DIP2B: variants seen among roughly 807,000 people sequenced by gnomAD.
The protein encoded by DIP2B is DIP2 acetate--CoA ligase B (putative).
Under a neutral mutation model 198.0 loss-of-function variants are expected in DIP2B, and 76 were observed. The observed-to-expected ratio is 0.38, with a 90% confidence interval of 0.32 to 0.46. DIP2B has a LOEUF of 0.46. Among genes scored for constraint, DIP2B ranks in the 20% least tolerant of loss-of-function variants. The probability of loss-of-function intolerance (pLI) is 0.99; values close to 1 mark genes in which losing one functional copy is unlikely to be tolerated. For synonymous variants in DIP2B, 701 were observed against 739.1 expected, an observed-to-expected ratio of 0.95 and a Z score of 0.84; for missense variants, 1,559 against 1,978.4, an observed-to-expected ratio of 0.79 and a Z score of 4.02.
At chr12:50,734,960 G>A (rs915353553) in intron 33 of DIP2B, 113 bp from the exon 34 acceptor site, 33 of 1,311,304 alleles carry the variant, frequency 2.5e-5, no homozygotes, top group Non-Finnish European at 3.6e-5. Flanking sequence ...CCCCTCTGTA[G>A]TATGAGGAAG....
At chr12:50,617,216 C>T (rs992303656) in intron 1 of DIP2B, among the ~76,000 whole-genome samples, 3 of 150,140 alleles carry the variant, frequency 2.0e-5, no homozygotes, top group African/African-American at 7.4e-5. Context: ...AGTGCAGTGG[C>T]GCGATCTCGG....
At chr12:50,530,163 G>A (rs1307650405) in intron 1 of DIP2B, among the ~76,000 whole-genome samples, 2 of 151,964 alleles carry the variant, frequency 1.3e-5, no homozygotes, top group African/African-American at 2.4e-5. Context: ...TGCAAGCTCC[G>A]CCTCCTGGGT....
chr12:50,578,883 G>C (rs1263597753), intron 1 of DIP2B, among the ~76,000 whole-genome samples: 1 of 152,064 alleles, frequency 6.6e-6, no homozygotes, highest in Admixed American at 6.6e-5. Flanking sequence ...TTTATTTATT[G>C]TTCTTTATCC....
chr12:50,552,856 TTTTA>T (rs1354596956), intron 1 of DIP2B, among the ~76,000 whole-genome samples: 4 of 152,206 alleles, frequency 2.6e-5, no homozygotes, highest in Admixed American at 2.0e-4. Context: ...TTTTGAGTTA[TTTTA>T]TTTATTTATT....
At chr12:50,581,315 C>T (rs1349417930) in intron 1 of DIP2B, among the ~76,000 whole-genome samples, 4 of 149,262 alleles carry the variant, frequency 2.7e-5, no homozygotes, top group Non-Finnish European at 4.4e-5. Context: ...CTTTTAAGAC[C>T]GCTACTGCAT....
At chr12:50,676,268 C>T (rs1336553665) in intron 7 of DIP2B, among the ~76,000 whole-genome samples, 1 of 152,118 alleles carries the variant, frequency 6.6e-6, no homozygotes, top group African/African-American at 2.4e-5. Flanking sequence ...AAGAGCTAAG[C>T]GTTGGTAGCT....
rs779311402 is a variant in DIP2B, at chr12:50,697,095, G to T, written c.1968G>T (p.Leu656=). 1 of 1,614,100 alleles carries T rather than the reference G, an allele frequency of 6.2e-7. No individual in the cohort carries two copies. Among genetic ancestry groups the T allele is most frequent in the Non-Finnish European group, 8.5e-7 (1 of 1,179,984 alleles). Residue 656 remains leucine (L), a synonymous_variant, in exon 17 of 38, where the codon CTG becomes CTT. Transcript: ENST00000301180. ...CATCCTGTGATGCCTTCCTGAGTCTGTTCCAAAGTCATGGACTGAAGCCTG... is the reference window on the plus strand; with the variant it reads ...CATCCTGTGATGCCTTCCTGAGTCTTTTCCAAAGTCATGGACTGAAGCCTG... ...SVSSCDAFLS[L]FQSHGLKPEA... is the part of the protein sequence containing the mutation.
intron 1 of DIP2B, among the ~76,000 whole-genome samples, chr12:50,569,016 A>C (rs934672414): frequency 6.6e-6 from 1 of 151,686 alleles, no homozygotes; most frequent in Non-Finnish European, 1.5e-5. Flanking sequence ...ACTAATTTGA[A>C]ATAGTTCCAG....
chr12:50,742,394 C>CATAAAAAAA (rs1940262023), intron 37 of DIP2B, among the ~76,000 whole-genome samples: 1 of 47,494 alleles, frequency 2.1e-5, no homozygotes, highest in Non-Finnish European at 3.4e-5. Flanking sequence ...GAGACTGTCT[C>CATAAAAAAA]AAAAAAAAAA....
chr12:50,610,923 T>C (rs1033613760), intron 1 of DIP2B, among the ~76,000 whole-genome samples: 1 of 151,828 alleles, frequency 6.6e-6, no homozygotes, highest in African/African-American at 2.4e-5. Context: ...CTCAGCCTCC[T>C]GAGTAGCTGG....
chr12:50,679,055 G>C (rs1049640526), intron 8 of DIP2B, 179 bp downstream of exon 8: 2 of 673,078 alleles, frequency 3.0e-6, no homozygotes, highest in African/African-American at 3.6e-5. Context: ...ATTTGCTAAA[G>C]CAACATTTGC....
rs754712848 is a variant in DIP2B at position 50,739,579 on chromosome 12, C to T, written c.4347C>T (p.Ala1449=). ...TCCGCCGGACCGAGCTCACAGCGGC[C>T]ACTGGAGGTACTTCTGCAACAACTC... ...GFVRRTELTA[A]TGERHDALYV... The change falls in exon 36 of 38, where the codon GCC becomes GCT. Residue 1449 remains alanine (A), a synonymous_variant. Transcript: ENST00000301180. The T allele has an allele frequency of 6.8e-6, 11 of 1,613,484 alleles. No individual in the cohort carries two copies. The highest frequency in any genetic ancestry group is 9.3e-6 in the Non-Finnish European group (11 of 1,179,486).
intron 1 of DIP2B, among the ~76,000 whole-genome samples, chr12:50,619,513 G>A (rs1336946089): frequency 2.0e-5 from 3 of 152,268 alleles, no homozygotes; most frequent in Non-Finnish European, 1.5e-5. Flanking sequence ...GGCCAAGATC[G>A]TGATGCTTCC....
rs747998083 is a variant in DIP2B at position 50,723,215 on chromosome 12, C to T, written c.3180C>T (p.Ile1060=). 5.0e-6 allele frequency: 8 copies of T among 1,613,952 alleles called. 1 individual carries two copies. In the East Asian group the frequency reaches 6.7e-5, roughly 13 times the overall value. ...VLLYPPGIEL[I]AAFYGCLYAG... ...TTTGTCTTGCAGGCATTGAGTTAAT[C>T]GCCGCCTTCTATGGCTGCCTGTATG... The change falls in exon 27 of 38, where the codon ATC becomes ATT. Residue 1060 remains isoleucine (I), a synonymous_variant. Coordinates refer to ENST00000301180, the MANE Select transcript of DIP2B (RefSeq NM_173602.3).
chr12:50,645,422 G>A (rs533472789), intron 3 of DIP2B, among the ~76,000 whole-genome samples: 2 of 151,404 alleles, frequency 1.3e-5, no homozygotes, highest in East Asian at 3.9e-4. Flanking sequence ...AAATGAGGTA[G>A]ATGTATTTGT....
rs1369246102 is a variant in DIP2B at position 50,745,582 on chromosome 12, G to T, written c.*743G>T. 1.3e-5 allele frequency: 2 copies of T among 152,504 alleles called. No individual in the cohort carries two copies. Among genetic ancestry groups the T allele is most frequent in the Non-Finnish European group, 2.9e-5 (2 of 68,022 alleles). The allele number at this position is 152,504 out of a possible 1,614,324, so 9.4% of individuals were successfully genotyped here. ...TTGCTGCACATTGTTCTATGTCTTT[G>T]TTGGCTGGTGTATTTTATAAACTAA... On this transcript the variant is annotated 3_prime_UTR_variant, in exon 38 of 38. Coordinates refer to ENST00000301180, the MANE Select transcript of DIP2B (RefSeq NM_173602.3).
At chr12:50,606,112 C>G (rs986686783) in intron 1 of DIP2B, among the ~76,000 whole-genome samples, 2 of 152,154 alleles carry the variant, frequency 1.3e-5, no homozygotes, top group Admixed American at 6.5e-5. Context: ...CATGAGCCAC[C>G]GCACCTGGCC....
At chr12:50,549,111 G>A (rs1052031072) in intron 1 of DIP2B, among the ~76,000 whole-genome samples, 1 of 151,722 alleles carries the variant, frequency 6.6e-6, no homozygotes, top group African/African-American at 2.4e-5. Flanking sequence ...TTCGGTTTTG[G>A]ACTACAAATT....
rs188166333 is a variant in DIP2B, at chr12:50,523,764, G to C, written c.100+18524G>C. On this transcript the variant is annotated intron_variant, in intron 1 of 37. Coordinates refer to ENST00000301180, the MANE Select transcript of DIP2B (RefSeq NM_173602.3). ...CTTATATATATAGGAAAACAATTAC[G>C]TGTGAAAACATACAAGTTGTATTAG... Among the ~76,000 whole-genome samples the C allele has an allele frequency of 4.7e-4, 71 of 152,220 alleles. 2 individuals carry two copies. In the East Asian group the frequency reaches 0.013, roughly 27 times the overall value.
Sources: gnomAD v4.1 joint callset for allele counts (sites outside exome capture counted in the v4.1 genomes callset) on GRCh38, gnomAD v4.1.1 for gene constraint, MANE v1.5 for transcripts, NCBI Gene and HGNC (gene_info 2026-07-23, HGNC 2026-07-21) for gene names.